The following SLC25A16 variants were observed in gnomAD, a reference collection of about 807,000 sequenced individuals.
SLC25A16 encodes solute carrier family 25 member 16.
Under a neutral mutation model 41.5 loss-of-function variants are expected in SLC25A16, and 39 were observed. That is an observed-to-expected ratio of 0.94 (90% CI 0.73 to 1.23). SLC25A16 has a LOEUF of 1.23. Among genes scored for constraint, SLC25A16 ranks in the 50% most tolerant of loss-of-function variants. SLC25A16 has a pLI of 0.00. For synonymous variants in SLC25A16, 146 were observed against 147.8 expected (o/e 0.99, Z 0.09); for missense variants, 421 against 426.9 (o/e 0.99, Z 0.12).
chr10:68,484,179 T>G (rs2052522803), intron 8 of SLC25A16, among the ~76,000 whole-genome samples: 1 of 152,218 alleles, frequency 6.6e-6, no homozygotes, highest in Non-Finnish European at 1.5e-5. Flanking sequence ...CATACTTATA[T>G]TTGAAATACT....
intron 2 of SLC25A16, among the ~76,000 whole-genome samples, chr10:68,508,242 T>G (rs111836945): frequency 6.6e-6 from 1 of 151,876 alleles, no homozygotes; most frequent in Non-Finnish European, 1.5e-5. Flanking sequence ...AACTGCTTGT[T>G]TGAACAAAAA....
At chr10:68,500,603 C>T (rs773736531) in intron 4 of SLC25A16, among the ~76,000 whole-genome samples, 16 of 151,392 alleles carry the variant, frequency 1.1e-4, no homozygotes, top group Non-Finnish European at 1.9e-4. Flanking sequence ...CTACTGTGCC[C>T]GGCCCTGAAT....
chr10:68,500,546 G>A (rs1044339398), intron 4 of SLC25A16, among the ~76,000 whole-genome samples: 6 of 151,800 alleles, frequency 4.0e-5, no homozygotes, highest in Non-Finnish European at 7.4e-5. Flanking sequence ...GATCTCAGGT[G>A]ATCCACCTGC....
chr10:68,523,959 G>C lies in SLC25A16; in HGVS notation c.130+3287C>G, dbSNP rs549138783. 4.6e-5 allele frequency among the ~76,000 whole-genome samples: 7 copies of C among 152,062 alleles called. No individual in the cohort carries two copies. The South Asian group carries it at 1.2e-3, about 27-fold the overall frequency. ...GCTAAAAATATAAAAATTAGGGCCA[G>C]GCACAGTGGCTCACGCCTGTAATCC... On this transcript the variant is annotated intron_variant, in intron 1 of 8. Coordinates refer to ENST00000609923, the MANE Select transcript of SLC25A16 (RefSeq NM_152707.4).
At position 68,519,485 on chromosome 10, in the gene SLC25A16, CAA is replaced by C. The variant is rs572226861; in HGVS notation, c.131-2644_131-2643del. ...TGGGTGACAGAGTGAGACTCCATCTCAAAAAAAAAAAAAAAGTAAATCATAAT... is the reference window on the plus strand; with the variant it reads ...TGGGTGACAGAGTGAGACTCCATCTCAAAAAAAAAAAAAGTAAATCATAAT... On this transcript the variant is annotated intron_variant, in intron 1 of 8. Transcript: ENST00000609923. Among the ~76,000 whole-genome samples the C allele has an allele frequency of 2.3e-3, 184 of 81,710 alleles. 1 individual carries two copies. The highest frequency in any genetic ancestry group is 7.5e-3 in the African/African-American group (163 of 21,756). The allele number at this position is 81,710 out of a possible 152,430, so 53.6% of individuals were successfully genotyped here. A position where few individuals can be genotyped will look rare whatever the true frequency, so the allele number is the denominator to read the frequency against.
chr10:68,482,227 A>G lies in SLC25A16; in HGVS notation c.*1205T>C, dbSNP rs964765518. Reference sequence around the variant, plus strand: ...GAGCGAGACTCCATCTCAAAAAAAAAAAAAAAGTCACATCAGTTCTACAAA... The same window carrying G: ...GAGCGAGACTCCATCTCAAAAAAAAGAAAAAAGTCACATCAGTTCTACAAA... On this transcript the variant is annotated 3_prime_UTR_variant, in exon 9 of 9. Transcript: ENST00000609923. 4.6e-5 allele frequency: 7 copies of G among 152,006 alleles called. No homozygotes were observed. The highest frequency in any genetic ancestry group is 8.8e-5 in the Non-Finnish European group (6 of 68,024). The allele number at this position is 152,006 out of a possible 1,614,324, so 9.4% of individuals were successfully genotyped here. A position where few individuals can be genotyped will look rare whatever the true frequency, so the allele number is the denominator to read the frequency against.
Position 68,480,437 on chromosome 10 carries a change from T to C in SLC25A16, c.*2995A>G. ...TTCTATAACATATAGAATGCAAATT[T>C]TTATTTAAAAGATATTTGCAATCCC... On this transcript the variant is annotated 3_prime_UTR_variant, in exon 9 of 9. Transcript: ENST00000609923. The C allele has an allele frequency of 6.6e-6, 1 of 152,082 alleles. No individual in the cohort carries two copies. The highest frequency in any genetic ancestry group is 6.6e-5 in the Admixed American group (1 of 15,246). The allele number at this position is 152,082 out of a possible 1,614,324, so 9.4% of individuals were successfully genotyped here.
In SLC25A16 at chr10:68,480,621, T is replaced by C. The variant is rs10998213; in HGVS notation, c.*2811A>G. On this transcript the variant is annotated 3_prime_UTR_variant, in exon 9 of 9. Coordinates refer to ENST00000609923, the MANE Select transcript of SLC25A16 (RefSeq NM_152707.4). Reference sequence around the variant, plus strand: ...AAGTGATTCTCCTGTCTCAGCCTCCTGAGTAACTGGGACTACAGGTGCGTG... The same window carrying C: ...AAGTGATTCTCCTGTCTCAGCCTCCCGAGTAACTGGGACTACAGGTGCGTG... The C allele has an allele frequency of 0.22, 33,188 of 150,236 alleles. 4,597 individuals are homozygous for C. The highest frequency in any genetic ancestry group is 0.38 in the African/African-American group (15,508 of 41,010). The allele number at this position is 150,236 out of a possible 1,614,324, so 9.3% of individuals were successfully genotyped here.
intron 2 of SLC25A16, among the ~76,000 whole-genome samples, chr10:68,512,070 T>A (rs2053073500): frequency 6.6e-6 from 1 of 152,066 alleles, no homozygotes; most frequent in Non-Finnish European, 1.5e-5. Context: ...TTGGCTAGGC[T>A]TACACACGTT....
intron 1 of SLC25A16, among the ~76,000 whole-genome samples, chr10:68,521,934 G>A (rs1179604444): frequency 1.3e-5 from 2 of 151,838 alleles, no homozygotes; most frequent in Non-Finnish European, 2.9e-5. Context: ...GCTGAGGTGG[G>A]CAGATCACTT....
intron 7 of SLC25A16, among the ~76,000 whole-genome samples, chr10:68,487,503 T>A (rs1169468510): frequency 6.6e-6 from 1 of 152,192 alleles, no homozygotes; most frequent in African/African-American, 2.4e-5. Flanking sequence ...ACAAACTGGT[T>A]GCTTTTCATT....
At chr10:68,488,410 G>GA in intron 7 of SLC25A16, 57 bp downstream of exon 7, 1 of 1,241,788 alleles carries the variant, frequency 8.1e-7, no homozygotes, top group Non-Finnish European at 1.1e-6. Context: ...AAACAATGCT[G>GA]AAAATCAGGA....
intron 6 of SLC25A16, among the ~76,000 whole-genome samples, chr10:68,489,560 T>C (rs1298226833): frequency 6.6e-6 from 1 of 152,030 alleles, no homozygotes; most frequent in Non-Finnish European, 1.5e-5. Context: ...TAAATAAATA[T>C]GAAATTCAAG....
At chr10:68,517,857 G>C (rs576052214) in intron 1 of SLC25A16, 1 of 151,902 alleles carries the variant, frequency 6.6e-6, no homozygotes, top group Admixed American at 6.6e-5. Context: ...TGTAGTCCCA[G>C]CTATTTGGGA....
chr10:68,493,158 G>T lies in SLC25A16; in HGVS notation c.584C>A (p.Thr195Asn), dbSNP rs752721614. The T allele has an allele frequency of 6.3e-7, 1 of 1,596,566 alleles. No homozygotes were observed. Among genetic ancestry groups the T allele is most frequent in the Non-Finnish European group, 8.5e-7 (1 of 1,174,638 alleles). ...FFGFYRGLMPTILGMAPYAGV... is the reference protein window; with the variant it reads ...FFGFYRGLMPNILGMAPYAGV... Reference sequence around the variant, plus strand: ...TGCATATGGAGCCATTCCTAAAATAGTAGGCATCAGACCTCTGTAAAATCC... The same window carrying T: ...TGCATATGGAGCCATTCCTAAAATATTAGGCATCAGACCTCTGTAAAATCC... Residue 195 changes from threonine (T) to asparagine (N), a missense_variant, in exon 6 of 9, where the codon ACT becomes AAT. Coordinates refer to ENST00000609923, the MANE Select transcript of SLC25A16 (RefSeq NM_152707.4).
chr10:68,512,996 A>G (rs2795884), intron 2 of SLC25A16, among the ~76,000 whole-genome samples: 11,613 of 152,036 alleles, frequency 0.076, 644 homozygotes, highest in African/African-American at 0.15. Context: ...TTGAGATTGC[A>G]CCATTGCACT....
intron 6 of SLC25A16, among the ~76,000 whole-genome samples, chr10:68,491,658 A>G (rs1042510046): frequency 1.3e-5 from 2 of 152,174 alleles, no homozygotes; most frequent in Non-Finnish European, 2.9e-5. Context: ...AAACAGAGTC[A>G]CCATGCTTAA....
Position 68,485,923 on chromosome 10 carries a change from G to A in SLC25A16, c.842+1221C>T, listed in dbSNP as rs531681016. ...CACGATTCTCCTGCCTCAGCCTCCCGAGTAGCTGGGACTACAGGTGCCTGC... is the reference window on the plus strand; with the variant it reads ...CACGATTCTCCTGCCTCAGCCTCCCAAGTAGCTGGGACTACAGGTGCCTGC... On this transcript the variant is annotated intron_variant, in intron 8 of 8. Transcript: ENST00000609923. Among the ~76,000 whole-genome samples, 186 of 149,514 alleles carry A rather than the reference G, an allele frequency of 1.2e-3. 2 individuals carry two copies. The highest frequency in any genetic ancestry group is 2.2e-3 in the Non-Finnish European group (147 of 67,522).
At position 68,492,743 on chromosome 10, in the gene SLC25A16, G is replaced by A. The variant is rs570760727; in HGVS notation, c.610+389C>T. Among the ~76,000 whole-genome samples the A allele has an allele frequency of 2.0e-5, 3 of 152,040 alleles. No individual in the cohort carries two copies. The East Asian group carries it at 5.8e-4, about 29-fold the overall frequency. ...ATAAATGGAGATTAGAGAACTATAG[G>A]TATCCTTATTTTTCTTCTTTCTACT... On this transcript the variant is annotated intron_variant, in intron 6 of 8. Transcript: ENST00000609923.
Sources: gnomAD v4.1 joint callset for allele counts (sites outside exome capture counted in the v4.1 genomes callset) on GRCh38, gnomAD v4.1.1 for gene constraint, MANE v1.5 for transcripts, NCBI Gene and HGNC (gene_info 2026-07-23, HGNC 2026-07-21) for gene names.